CAPS2: variants seen among roughly 807,000 people sequenced by gnomAD.
The protein encoded by CAPS2 is calcyphosin-2.
In CAPS2, 98 loss-of-function variants were observed where a neutral mutation model predicts 86.5. The observed-to-expected ratio is 1.13, with a 90% CI of 0.96 to 1.34. CAPS2 has a LOEUF of 1.34. Ranked by LOEUF, CAPS2 falls within the 40% of genes most tolerant of loss-of-function variation. The pLI is 0.00. For missense variants in CAPS2, 729 were observed against 686.8 expected (o/e 1.06, Z -0.69); for synonymous variants, 210 against 225.1 (o/e 0.93, Z 0.60).
chr12:75,384,350 A>G (rs2045168643), intron 1 of CAPS2, among the ~76,000 whole-genome samples: 1 of 152,188 alleles, frequency 6.6e-6, no homozygotes, highest in African/African-American at 2.4e-5. Context: ...AAACATTAAA[A>G]GGATAACTGA....
intron 1 of CAPS2, among the ~76,000 whole-genome samples, chr12:75,348,526 C>T (rs777193392): frequency 6.6e-6 from 1 of 152,018 alleles, no homozygotes; most frequent in South Asian, 2.1e-4. Context: ...AAACTACTGA[C>T]ACATTTATTA....
intron 1 of CAPS2, chr12:75,369,881 T>A: frequency 7.5e-7 from 1 of 1,340,364 alleles, no homozygotes; most frequent in Non-Finnish European, 9.7e-7. Context: ...ATTGTCTTAT[T>A]CTAAAAGCCA....
chr12:75,337,965 T>C (rs2041851238), intron 1 of CAPS2, among the ~76,000 whole-genome samples: 1 of 152,118 alleles, frequency 6.6e-6, no homozygotes, highest in Admixed American at 6.5e-5. Flanking sequence ...TTCATCAATC[T>C]AAATAGTCTT....
Position 75,337,123 on chromosome 12 carries a change from G to C in CAPS2, c.-394-13901C>G, listed in dbSNP as rs115139192. On this transcript the variant is annotated intron_variant, in intron 1 of 5. Coordinates refer to the CAPS2 transcript ENST00000551829. The stretch of plus-strand genomic sequence containing the variant: ...GCAAAAGAAGTGTTTGGAAGCATAC[G>C]TATAGATTTAAATGAATATTTTAGG... 3.7e-3 allele frequency among the ~76,000 whole-genome samples: 569 copies of C among 151,814 alleles called. 6 individuals carry two copies. The highest frequency in any genetic ancestry group is 0.013 in the African/African-American group (556 of 41,504).
chr12:75,319,923 G>A (rs1196243618), intron 5 of CAPS2, among the ~76,000 whole-genome samples: 1 of 151,960 alleles, frequency 6.6e-6, no homozygotes, highest in East Asian at 1.9e-4. Context: ...TCTCATAATG[G>A]TATACATTTG....
intron 11 of CAPS2, among the ~76,000 whole-genome samples, chr12:75,294,303 T>C (rs1028313498): frequency 7.2e-5 from 11 of 152,136 alleles, no homozygotes; most frequent in Non-Finnish European, 1.6e-4. Context: ...AGGAAGGATG[T>C]CCCTCCCCTC....
upstream of CAPS2, chr12:75,329,854 C>T (rs2041137141): frequency 6.5e-7 from 1 of 1,544,036 alleles, no homozygotes; most frequent in African/African-American, 1.4e-5. Context: ...AGAAGGAATT[C>T]CCCATCCCCT....
chr12:75,298,881 CA>C lies in CAPS2; in HGVS notation c.939del (p.Phe313LeufsTer40), dbSNP rs2037348071. The C allele has an allele frequency of 6.2e-7, 1 of 1,609,100 alleles. No individual in the cohort carries two copies. The highest frequency in any genetic ancestry group is 8.5e-7 in the Non-Finnish European group (1 of 1,177,322). ...TGTTTAATGGCATACCTATTTTTCC[CA>C]AATTGTCGATATTCATAAATTGTAA... On this transcript the variant is annotated frameshift_variant, in exon 10 of 17. Coordinates refer to ENST00000393284, the Ensembl canonical transcript of CAPS2. LOFTEE classifies it high-confidence loss of function.
chr12:75,345,599 G>A (rs952810981), intron 1 of CAPS2, among the ~76,000 whole-genome samples: 14 of 152,018 alleles, frequency 9.2e-5, no homozygotes, highest in Admixed American at 2.0e-4. Flanking sequence ...TTCACTCTTC[G>A]TTCAACAACA....
chr12:75,291,056 C>T (rs1388540854), intron 13 of CAPS2, among the ~76,000 whole-genome samples: 1 of 152,050 alleles, frequency 6.6e-6, no homozygotes, highest in Non-Finnish European at 1.5e-5. Flanking sequence ...CTGCATTTTC[C>T]CAAATTTGGA....
intron 15 of CAPS2, among the ~76,000 whole-genome samples, chr12:75,284,553 C>T (rs2034536301): frequency 6.6e-6 from 1 of 152,018 alleles, no homozygotes; most frequent in Non-Finnish European, 1.5e-5. Context: ...GGAGTATTGA[C>T]ACTGGAACAG....
chr12:75,366,685 AG>A, intron 1 of CAPS2: 1 of 508,646 alleles, frequency 2.0e-6, no homozygotes, highest in Non-Finnish European at 3.5e-6. Context: ...GCTGTGGCCT[AG>A]GGTTTTTTTG....
At chr12:75,294,555 C>A (rs906179819) in intron 11 of CAPS2, among the ~76,000 whole-genome samples, 1 of 152,142 alleles carries the variant, frequency 6.6e-6, no homozygotes, top group Non-Finnish European at 1.5e-5. Flanking sequence ...AGGCACCTTG[C>A]TCTAAGTGCA....
upstream of CAPS2, among the ~76,000 whole-genome samples, chr12:75,329,301 A>C (rs1283100604): frequency 6.6e-6 from 1 of 152,218 alleles, no homozygotes; most frequent in Non-Finnish European, 1.5e-5. Context: ...TAAGCACTGA[A>C]TATCCAGCTG....
At chr12:75,377,570 T>C (rs1356838164) in intron 1 of CAPS2, among the ~76,000 whole-genome samples, 1 of 152,056 alleles carries the variant, frequency 6.6e-6, no homozygotes, top group Non-Finnish European at 1.5e-5. Context: ...GGGAGTCTGA[T>C]GTTTGAGGGC....
At chr12:75,290,677 A>G (rs899398457) in intron 13 of CAPS2, among the ~76,000 whole-genome samples, 2 of 152,134 alleles carry the variant, frequency 1.3e-5, no homozygotes, top group African/African-American at 4.8e-5. Flanking sequence ...GCACTTTGTG[A>G]GGCCAAGGTG....
upstream of CAPS2, among the ~76,000 whole-genome samples, chr12:75,328,356 G>A (rs898231057): frequency 9.9e-5 from 15 of 152,088 alleles, no homozygotes; most frequent in African/African-American, 3.4e-4. Flanking sequence ...ATCACTATAG[G>A]TCATTTCAAA....
chr12:75,305,551 G>A (rs560630640), intron 7 of CAPS2: 3 of 626,154 alleles, frequency 4.8e-6, no homozygotes, highest in South Asian at 4.2e-5. Flanking sequence ...TCCTCCGTCC[G>A]CGACCCTGGC....
At chr12:75,313,429 A>G (rs190980412) in intron 6 of CAPS2, among the ~76,000 whole-genome samples, 1 of 152,306 alleles carries the variant, frequency 6.6e-6, no homozygotes, top group East Asian at 1.9e-4. Context: ...CATCAAAAGT[A>G]TAATATTTTC....
Sources: allele counts gnomAD v4.1 joint callset (sites outside exome capture counted in the v4.1 genomes callset), GRCh38; gene constraint gnomAD v4.1.1; transcripts MANE v1.5; gene names NCBI Gene and HGNC (gene_info 2026-07-23, HGNC 2026-07-21).